ADAMTS12: variants seen among roughly 807,000 people sequenced by gnomAD.
The protein encoded by ADAMTS12 is A disintegrin and metalloproteinase with thrombospondin motifs 12.
In ADAMTS12, 118 loss-of-function variants were observed where a neutral mutation model predicts 167.8. That is an observed-to-expected ratio of 0.70 (90% CI 0.61 to 0.82). The LOEUF (loss-of-function observed/expected upper bound fraction) is 0.82, where lower values mean the gene tolerates loss of function less well. Among genes scored for constraint, ADAMTS12 ranks in the 40% least tolerant of loss-of-function variants. The pLI is 0.00. For synonymous variants in ADAMTS12, 704 were observed against 716.9 expected (o/e 0.98, Z 0.29); for missense variants, 1,916 against 1,998.8 (o/e 0.96, Z 0.79).
intron 12 of ADAMTS12, among the ~76,000 whole-genome samples, chr5:33,633,623 C>T (rs1339175551): frequency 6.6e-6 from 1 of 151,964 alleles, no homozygotes; most frequent in African/African-American, 2.4e-5. Flanking sequence ...TCCTCTGTCC[C>T]CTCCTTCTCT....
intron 2 of ADAMTS12, among the ~76,000 whole-genome samples, chr5:33,861,326 T>G (rs1196669675): frequency 6.6e-6 from 1 of 151,870 alleles, no homozygotes; most frequent in Non-Finnish European, 1.5e-5. Flanking sequence ...AATAAAGGGA[T>G]GGAGGAATAT....
Position 33,656,572 on chromosome 5 carries a change from C to T in ADAMTS12, c.1190+1612G>A, listed in dbSNP as rs141027432. Among the ~76,000 whole-genome samples the T allele has an allele frequency of 2.6e-3, 393 of 152,266 alleles. 3 individuals carry two copies. The highest frequency in any genetic ancestry group is 8.2e-3 in the African/African-American group (341 of 41,568). ...CCTTGGAACACAAAAAGTGAGGATT[C>T]GAAAATGTCTTTTATCAAGCAAAGT... On this transcript the variant is annotated intron_variant, in intron 7 of 23. Coordinates refer to ENST00000504830, the MANE Select transcript of ADAMTS12 (RefSeq NM_030955.4).
At chr5:33,573,446 C>T (rs1257791626) in intron 19 of ADAMTS12, among the ~76,000 whole-genome samples, 1 of 152,090 alleles carries the variant, frequency 6.6e-6, no homozygotes, top group Admixed American at 6.6e-5. Flanking sequence ...AATAATGCCA[C>T]GTATCTACAA....
In ADAMTS12 at chr5:33,595,679, C is replaced by T. The variant is rs538559112; in HGVS notation, c.2654+255G>A. Among the ~76,000 whole-genome samples the T allele has an allele frequency of 2.6e-5, 4 of 152,330 alleles. No homozygotes were observed. The East Asian group carries it at 7.7e-4, about 29-fold the overall frequency. On this transcript the variant is annotated intron_variant, in intron 17 of 23. Transcript: ENST00000504830. The stretch of plus-strand genomic sequence containing the variant: ...CCACTTAGCACTCTCTTCACCAATG[C>T]TTTGGCAGTTAGTCTTGCCAAATAA...
In ADAMTS12 at chr5:33,643,486, C is replaced by T; in HGVS notation, c.1480-16G>A. On this transcript the variant is annotated splice_polypyrimidine_tract_variant and intron_variant, in intron 9 of 23. Coordinates refer to ENST00000504830, the MANE Select transcript of ADAMTS12 (RefSeq NM_030955.4). ...GGCAGACGTTCTAGAAAACAAATTG[C>T]ACTTCTTTTGTATTTTCAAAACCTG... 1 of 1,612,440 alleles carries T rather than the reference C, an allele frequency of 6.2e-7. No individual in the cohort carries two copies. Among genetic ancestry groups the T allele is most frequent in the East Asian group, 2.2e-5 (1 of 44,806 alleles).
At chr5:33,766,407 A>C (rs1436159995) in intron 2 of ADAMTS12, among the ~76,000 whole-genome samples, 1 of 152,188 alleles carries the variant, frequency 6.6e-6, no homozygotes, top group African/African-American at 2.4e-5. Context: ...CAAGCTAAGG[A>C]GACATGACAG....
At chr5:33,811,034 C>G (rs1747440809) in intron 2 of ADAMTS12, among the ~76,000 whole-genome samples, 3 of 152,196 alleles carry the variant, frequency 2.0e-5, no homozygotes, top group Non-Finnish European at 2.9e-5. Flanking sequence ...GGCCTTGGAG[C>G]CAACTCCTTG....
chr5:33,601,124 T>C (rs1738167347), intron 16 of ADAMTS12, among the ~76,000 whole-genome samples: 1 of 151,810 alleles, frequency 6.6e-6, no homozygotes, highest in South Asian at 2.1e-4. Context: ...TGTGTGTGTG[T>C]GTGTGTGTGT....
intron 9 of ADAMTS12, among the ~76,000 whole-genome samples, chr5:33,644,195 TTCTC>T (rs1024192334): frequency 2.0e-5 from 3 of 152,242 alleles, no homozygotes; most frequent in African/African-American, 7.2e-5. Flanking sequence ...TTATCAATCT[TTCTC>T]TCTCTAAATT....
rs570177114 is a variant in ADAMTS12, at chr5:33,592,058, T to TA, written c.2655-3250dup. On this transcript the variant is annotated intron_variant, in intron 17 of 23. Coordinates refer to ENST00000504830, the MANE Select transcript of ADAMTS12 (RefSeq NM_030955.4). ...CAAAATGGAGAAACCCCGTCTCTAC[T>TA]AAAAAAAAAAGAATACAAAAATTAG... Among the ~76,000 whole-genome samples the TA allele has an allele frequency of 3.6e-3, 522 of 146,870 alleles. 2 individuals carry two copies. The highest frequency in any genetic ancestry group is 5.5e-3 in the Admixed American group (81 of 14,712).
At chr5:33,533,913 A>C (rs1438993795) in intron 23 of ADAMTS12, among the ~76,000 whole-genome samples, 1 of 152,162 alleles carries the variant, frequency 6.6e-6, no homozygotes, top group Non-Finnish European at 1.5e-5. Flanking sequence ...CCAAGTCAAA[A>C]TTATGGGCAT....
intron 18 of ADAMTS12, among the ~76,000 whole-genome samples, chr5:33,583,798 G>A (rs1410179433): frequency 6.6e-6 from 1 of 152,128 alleles, no homozygotes; most frequent in Non-Finnish European, 1.5e-5. Flanking sequence ...CTTCTTTTGA[G>A]AAATGTCTAT....
At chr5:33,761,257 C>T (rs1322262678) in intron 2 of ADAMTS12, among the ~76,000 whole-genome samples, 2 of 152,210 alleles carry the variant, frequency 1.3e-5, no homozygotes, top group African/African-American at 4.8e-5. Flanking sequence ...CCTTCTTCTC[C>T]CACTCTGATA....
chr5:33,650,292 T>C (rs531121357), intron 7 of ADAMTS12, among the ~76,000 whole-genome samples: 1 of 152,306 alleles, frequency 6.6e-6, no homozygotes, highest in Non-Finnish European at 1.5e-5. Flanking sequence ...CTGTAAATCA[T>C]TAAAACTTGC....
At chr5:33,681,537 C>T (rs10076297) in intron 5 of ADAMTS12, among the ~76,000 whole-genome samples, 28,026 of 152,056 alleles carry the variant, frequency 0.18, 3,118 homozygotes, top group South Asian at 0.46. Context: ...ACATGGCTTC[C>T]GCCCTCATGG....
At chr5:33,631,376 A>C (rs978269304) in intron 12 of ADAMTS12, among the ~76,000 whole-genome samples, 6 of 152,120 alleles carry the variant, frequency 3.9e-5, no homozygotes, top group Non-Finnish European at 7.4e-5. Context: ...GAGCCAGCTC[A>C]TTACTACCAC....
chr5:33,824,963 G>C (rs1373240894), intron 2 of ADAMTS12, among the ~76,000 whole-genome samples: 1 of 152,142 alleles, frequency 6.6e-6, no homozygotes, highest in Non-Finnish European at 1.5e-5. Context: ...GCTACCACTG[G>C]AAGGAGAGTT....
At chr5:33,713,173 C>T (rs1008956411) in intron 3 of ADAMTS12, among the ~76,000 whole-genome samples, 1 of 152,106 alleles carries the variant, frequency 6.6e-6, no homozygotes, top group Non-Finnish European at 1.5e-5. Flanking sequence ...ACAAAGGGAA[C>T]AATCAGTATT....
At chr5:33,596,305 A>G (rs1737867849) in intron 16 of ADAMTS12, among the ~76,000 whole-genome samples, 1 of 152,208 alleles carries the variant, frequency 6.6e-6, no homozygotes, top group African/African-American at 2.4e-5. Context: ...GGTAGGAGGT[A>G]AAGTCTGTTC....
Sources: gnomAD v4.1 joint callset for allele counts (sites outside exome capture counted in the v4.1 genomes callset) on GRCh38, gnomAD v4.1.1 for gene constraint, MANE v1.5 for transcripts, NCBI Gene and HGNC (gene_info 2026-07-23, HGNC 2026-07-21) for gene names.